The following PTGER4 variants were observed in gnomAD, a reference collection of about 807,000 sequenced individuals.
PTGER4 encodes the protein prostaglandin E receptor 4, also known as prostaglandin E2 receptor EP4 subtype.
PTGER4 carries 11 observed loss-of-function variants against 33.2 expected under a neutral mutation model. The observed-to-expected ratio is 0.33, with a 90% confidence interval of 0.21 to 0.55. PTGER4 has a LOEUF of 0.55. Ranked by LOEUF, PTGER4 falls within the 20% of genes least tolerant of loss-of-function variation. PTGER4 has a pLI of 0.92. For missense variants in PTGER4, 481 were observed against 650.2 expected (o/e 0.74, Z 2.83); for synonymous variants, 275 against 281.5 (o/e 0.98, Z 0.23).
At chr5:40,698,298 C>A (rs979705124), downstream of PTGER4, among the ~76,000 whole-genome samples, 6 of 151,564 alleles carry the variant, frequency 4.0e-5, no homozygotes, top group Non-Finnish European at 7.4e-5. Flanking sequence ...TAATAATCAT[C>A]ATCATCATCA....
At chr5:40,709,971 C>A in the PTGER4 span, among the ~76,000 whole-genome samples, 7 of 152,132 alleles carry the variant, frequency 4.6e-5, no homozygotes, top group Non-Finnish European at 8.8e-5. Context: ...ACCATAAAAA[C>A]CCTAGAAGAA....
chr5:40,717,952 C>T, the PTGER4 span, among the ~76,000 whole-genome samples: 1 of 151,928 alleles, frequency 6.6e-6, no homozygotes, highest in East Asian at 1.9e-4. Context: ...ATCCCAGCTA[C>T]TCGTGAGGCT....
At chr5:40,718,591 T>C in the PTGER4 span, among the ~76,000 whole-genome samples, 1 of 151,668 alleles carries the variant, frequency 6.6e-6, no homozygotes. Context: ...AATACAAAAA[T>C]TAGCTGGGCA....
the PTGER4 span, among the ~76,000 whole-genome samples, chr5:40,724,899 C>T: frequency 2.0e-5 from 3 of 147,440 alleles, no homozygotes; most frequent in Non-Finnish European, 4.5e-5. Context: ...GTCACTCATG[C>T]TGGAGTGCAG....
At chr5:40,688,438 A>G (rs1205640842) in intron 2 of PTGER4, among the ~76,000 whole-genome samples, 1 of 152,166 alleles carries the variant, frequency 6.6e-6, no homozygotes, top group Non-Finnish European at 1.5e-5. Flanking sequence ...CATTTCTTCT[A>G]CCCTTAGGAA....
Position 40,692,433 on chromosome 5 carries a change from A to G in PTGER4, c.*55A>G, listed in dbSNP as rs748403591. The G allele has an allele frequency of 7.8e-5, 119 of 1,517,144 alleles. No individual in the cohort carries two copies. The highest frequency in any genetic ancestry group is 9.9e-5 in the Non-Finnish European group (113 of 1,136,920). The allele number at this position is 1,517,144 out of a possible 1,614,324, so 94.0% of individuals were successfully genotyped here. On this transcript the variant is annotated 3_prime_UTR_variant, in exon 3 of 3. Coordinates refer to ENST00000302472, the MANE Select transcript of PTGER4 (RefSeq NM_000958.3). Reference sequence around the variant, plus strand: ...CTGGACCCTTATAAAATCCTGTGCAATAGACACATACATGTCACATTTAGC... The same window carrying G: ...CTGGACCCTTATAAAATCCTGTGCAGTAGACACATACATGTCACATTTAGC...
the PTGER4 span, among the ~76,000 whole-genome samples, chr5:40,744,235 G>A: frequency 6.6e-6 from 1 of 152,136 alleles, no homozygotes; most frequent in Non-Finnish European, 1.5e-5. Context: ...TACCACAAAT[G>A]AGAATTCACA....
At chr5:40,728,291 A>AAAAAAAAAAAAAAAAAAAAAC in the PTGER4 span, 2 of 1,238,616 alleles carry the variant, frequency 1.6e-6, no homozygotes, top group Non-Finnish European at 2.2e-6. Flanking sequence ...CAAAAAAAAA[A>AAAAAAAAAAAAAAAAAAAAAC]AAAAGTCAAA....
downstream of PTGER4, among the ~76,000 whole-genome samples, chr5:40,698,619 C>T (rs1008442294): frequency 6.6e-5 from 10 of 152,086 alleles, no homozygotes; most frequent in Non-Finnish European, 1.2e-4. Flanking sequence ...ATGTATATGC[C>T]ATCAATGAAA....
At chr5:40,740,189 A>G in the PTGER4 span, among the ~76,000 whole-genome samples, 1 of 151,560 alleles carries the variant, frequency 6.6e-6, no homozygotes, top group African/African-American at 2.4e-5. Context: ...AAGAATTTAA[A>G]TTTTTTGTTT....
At chr5:40,734,512 G>A in the PTGER4 span, among the ~76,000 whole-genome samples, 1 of 152,130 alleles carries the variant, frequency 6.6e-6, no homozygotes, top group Non-Finnish European at 1.5e-5. Flanking sequence ...ACTACAACAG[G>A]GCAGGATGAG....
the PTGER4 span, among the ~76,000 whole-genome samples, chr5:40,725,784 CTT>C: frequency 1.7e-4 from 22 of 126,006 alleles, no homozygotes; most frequent in Non-Finnish European, 2.7e-4. Flanking sequence ...TTCTCTTCAG[CTT>C]TTTTTTTTTT....
chr5:40,730,332 G>A, the PTGER4 span: 2 of 1,612,350 alleles, frequency 1.2e-6, no homozygotes, highest in South Asian at 1.1e-5. Context: ...CTTCTGAATT[G>A]CCTCCCGATA....
In PTGER4 at chr5:40,681,916, G is replaced by C. The variant is rs1162798213; in HGVS notation, c.867+56G>C. ...CCTTTTTCTCGCATCCACCTCCCGC[G>C]TCCATTCCCCGCTCCCTGCTTTCCC... On this transcript the variant is annotated intron_variant, in intron 2 of 2. Coordinates refer to ENST00000302472, the MANE Select transcript of PTGER4 (RefSeq NM_000958.3). The surrounding 1 kb of genome is among the most constrained non-coding windows in gnomAD (Gnocchi z 9.8). 1 of 1,468,700 alleles carries C rather than the reference G, an allele frequency of 6.8e-7. No homozygotes were observed. Among genetic ancestry groups the C allele is most frequent in the Non-Finnish European group, 9.0e-7 (1 of 1,112,510 alleles). The allele number at this position is 1,468,700 out of a possible 1,614,324, so 91.0% of individuals were successfully genotyped here.
the PTGER4 span, among the ~76,000 whole-genome samples, chr5:40,735,337 A>C: frequency 1.3e-5 from 2 of 152,200 alleles, no homozygotes; most frequent in Admixed American, 6.5e-5. Flanking sequence ...AACCAAAGTA[A>C]TTTAGGTATG....
intron 2 of PTGER4, among the ~76,000 whole-genome samples, chr5:40,687,916 T>C (rs573765422): frequency 1.3e-5 from 2 of 152,300 alleles, no homozygotes; most frequent in Admixed American, 6.5e-5. Context: ...TTTCATTCCC[T>C]CCTATACTAG....
the PTGER4 span, among the ~76,000 whole-genome samples, chr5:40,731,399 C>T: frequency 6.6e-6 from 1 of 152,132 alleles, no homozygotes; most frequent in South Asian, 2.1e-4. Context: ...AGTTCACTCT[C>T]ACGCTGCAAT....
chr5:40,684,926 C>A (rs1387015709), intron 2 of PTGER4, among the ~76,000 whole-genome samples: 3 of 152,082 alleles, frequency 2.0e-5, no homozygotes, highest in African/African-American at 4.8e-5. Context: ...GGATTGAATT[C>A]TTTAGAAATA....
At chr5:40,711,733 T>G in the PTGER4 span, among the ~76,000 whole-genome samples, 286 of 152,234 alleles carry the variant, frequency 1.9e-3, 1 homozygote, top group Non-Finnish European at 3.2e-3. Flanking sequence ...ATACACATGA[T>G]AACATGGATG....
Sources: allele counts gnomAD v4.1 joint callset (sites outside exome capture counted in the v4.1 genomes callset), GRCh38; gene constraint gnomAD v4.1.1; non-coding constraint Gnocchi (gnomAD v3.1); transcripts MANE v1.5; gene names NCBI Gene and HGNC (gene_info 2026-07-23, HGNC 2026-07-21).